The following NPHS1 variants were observed in gnomAD, a reference collection of about 807,000 sequenced individuals.
NPHS1 encodes nephrin.
Under a neutral mutation model 139.7 loss-of-function variants are expected in NPHS1, and 107 were observed. The observed-to-expected ratio is 0.77, with a 90% CI of 0.66 to 0.90. The LOEUF (loss-of-function observed/expected upper bound fraction) is 0.90. NPHS1 is among the 40% of genes least tolerant of loss of function. The pLI is 0.00. For missense variants in NPHS1, 1,580 were observed against 1,654.2 expected (o/e 0.96, Z 0.78); for synonymous variants, 707 against 706.6 (o/e 1.00, Z -0.01).
intron 11 of NPHS1, 25 bp downstream of exon 11, chr19:35,848,016 C>A (rs762960409): frequency 1.3e-4 from 203 of 1,612,668 alleles, no homozygotes; most frequent in South Asian, 5.1e-4. Context: ...CCTGGCCACC[C>A]CCATAGCCCT....
chr19:35,828,511 G>A (rs1397445377), intron 28 of NPHS1, among the ~76,000 whole-genome samples: 5 of 152,232 alleles, frequency 3.3e-5, no homozygotes, highest in African/African-American at 4.8e-5. Context: ...TGATCCGCCC[G>A]CCTTGGCCTC....
chr19:35,831,559 C>G, intron 24 of NPHS1, 59 bp from the exon 25 acceptor site: 1 of 1,613,196 alleles, frequency 6.2e-7, no homozygotes, highest in Non-Finnish European at 8.5e-7. Context: ...ACCCCGGCCC[C>G]AGGAAGACCT....
chr19:35,849,142 G>A lies in NPHS1; in HGVS notation c.846C>T (p.Gly282=), dbSNP rs1191167449. Residue 282 remains glycine (G), a synonymous_variant, in exon 8 of 29, where the codon GGC becomes GGT. Coordinates refer to ENST00000378910, the MANE Select transcript of NPHS1 (RefSeq NM_004646.4). ...TGCCCCACGCTGTGGACACCGGCTG[G>A]CCATTCTGGAGACAGGGACAGGCCT... ...PLATLQWLKN[G]QPVSTAWGTE... The A allele has an allele frequency of 6.2e-7, 1 of 1,610,568 alleles. No homozygotes were observed. Among genetic ancestry groups the A allele is most frequent in the South Asian group, 1.1e-5 (1 of 91,086 alleles).
chr19:35,842,470 A>C lies in NPHS1; in HGVS notation c.2415T>G (p.His805Gln). 6.2e-7 allele frequency: 1 copy of C among 1,614,174 alleles called. No homozygotes were observed. The highest frequency in any genetic ancestry group is 8.5e-7 in the Non-Finnish European group (1 of 1,180,016). ...AAGCGCCAGCCTGGGCCAGTTTGGCATGGTGAATCCGCAGGCGCCCCGTTG... is the reference window on the plus strand; with the variant it reads ...AAGCGCCAGCCTGGGCCAGTTTGGCCTGGTGAATCCGCAGGCGCCCCGTTG... ...RGPTGRLRIH[H>Q]AKLAQAGAYQ... The change falls in exon 18 of 29, where the codon CAT (histidine) becomes CAG (glutamine). Residue 805 changes from histidine to glutamine, a missense_variant. Coordinates refer to ENST00000378910, the MANE Select transcript of NPHS1 (RefSeq NM_004646.4).
Position 35,839,656 on chromosome 19 carries a change from A to G in NPHS1, c.2816-49T>C, listed in dbSNP as rs762588302. On this transcript the variant is annotated intron_variant, in intron 20 of 28. Coordinates refer to ENST00000378910, the MANE Select transcript of NPHS1 (RefSeq NM_004646.4). ...CAGTCAGAGGATACAAAAGAATTCC[A>G]GAAGATTCTGTCCAGGTTTTCCCTA... 3 of 1,448,700 alleles carry G rather than the reference A, an allele frequency of 2.1e-6. No homozygotes were observed. The South Asian group carries it at 3.4e-5, about 17-fold the overall frequency. The allele number at this position is 1,448,700 out of a possible 1,614,324, so 89.7% of individuals were successfully genotyped here.
In NPHS1 at chr19:35,842,415, G is replaced by C; in HGVS notation, c.2470C>G (p.Pro824Ala). Reference protein sequence around the residue: ...YQCIVDNGVAPPARRLLRLVV... With the variant: ...YQCIVDNGVAAPARRLLRLVV... Reference sequence around the variant, plus strand: ...AGACGGAGCAGCCGTCGTGCTGGAGGCGCCACCCCATTGTCCACAATGCAC... The same window carrying C: ...AGACGGAGCAGCCGTCGTGCTGGAGCCGCCACCCCATTGTCCACAATGCAC... The change falls in exon 18 of 29, where the codon CCT becomes GCT. Residue 824 changes from proline to alanine, a missense_variant. Transcript: ENST00000378910. 6.2e-7 allele frequency: 1 copy of C among 1,614,120 alleles called. No individual in the cohort carries two copies. Among genetic ancestry groups the C allele is most frequent in the Non-Finnish European group, 8.5e-7 (1 of 1,180,026 alleles).
chr19:35,845,518 GT>G lies in NPHS1; in HGVS notation c.1779del (p.Arg595GlyfsTer27). On this transcript the variant is annotated frameshift_variant, in exon 14 of 29. Transcript: ENST00000378910. LOFTEE classifies it high-confidence loss of function. The surrounding 1 kb of genome is among the most constrained non-coding windows in gnomAD (Gnocchi z 5.5). ...EGERLEGVAA[P>X]PRRAPFKGSA... ...GAGCCTTTGAATGGGGCTCTCCGGG[GT>G]GGGGCGGCCACGCCCTCCAGCCTGT... The G allele has an allele frequency of 6.2e-7, 1 of 1,610,332 alleles. No homozygotes were observed. Among genetic ancestry groups the G allele is most frequent in the Non-Finnish European group, 8.5e-7 (1 of 1,178,726 alleles).
intron 20 of NPHS1, among the ~76,000 whole-genome samples, chr19:35,841,015 T>A (rs1973048582): frequency 6.6e-6 from 1 of 151,766 alleles, no homozygotes; most frequent in Admixed American, 6.6e-5. Flanking sequence ...AGAGAAAGAA[T>A]TCTGTTTCCT....
In NPHS1 at chr19:35,851,078, G is replaced by C. The variant is rs998968260; in HGVS notation, c.409C>G (p.Leu137Val). Residue 137 changes from leucine to valine, a missense_variant, in exon 4 of 29, where the codon CTG (leucine) becomes GTG (valine). Leu to Val is a conservative substitution (Grantham distance 32). Coordinates refer to ENST00000378910, the MANE Select transcript of NPHS1 (RefSeq NM_004646.4). ...CCTGCCTCTGGGGTCAGCAGGAGCA[G>C]CTTGGGAGGAACTGGTGAGAGAAGG... The part of the protein sequence containing the change: ...VILSILVPPK[L>V]LLLTPEAGTM... 2 of 1,614,082 alleles carry C rather than the reference G, an allele frequency of 1.2e-6. No homozygotes were observed. The highest frequency in any genetic ancestry group is 2.7e-5 in the African/African-American group (2 of 74,932).
At position 35,841,850 on chromosome 19, in the gene NPHS1, A is replaced by G; in HGVS notation, c.2680T>C (p.Tyr894His). 2 of 1,612,762 alleles carry G rather than the reference A, an allele frequency of 1.2e-6. No individual in the cohort carries two copies. Among genetic ancestry groups the G allele is most frequent in the African/African-American group, 1.3e-5 (1 of 75,034 alleles). Residue 894 changes from tyrosine (Y) to histidine (H), a missense_variant, in exon 20 of 29, where the codon TAC becomes CAC. Coordinates refer to ENST00000378910, the MANE Select transcript of NPHS1 (RefSeq NM_004646.4). ...LQDPRYTEHTYHQGGVHSSLL... is the reference protein window; with the variant it reads ...LQDPRYTEHTHHQGGVHSSLL... ...CTGCTGTGGACACCACCCTGGTGGT[A>G]TGTGTGCTCCGTGTACCTAGAGAGA...
rs375587420 is a variant in NPHS1 at position 35,831,462 on chromosome 19, A to G, written c.3311+14T>C. 1.0e-4 allele frequency: 169 copies of G among 1,613,748 alleles called. No homozygotes were observed. The highest frequency in any genetic ancestry group is 1.6e-4 in the Middle Eastern group (1 of 6,084). ...CCCTCAGAGCCTTCTTTACAGAAAAATATCCCCACTTACCCTGCCTCTGTC... is the reference window on the plus strand; with the variant it reads ...CCCTCAGAGCCTTCTTTACAGAAAAGTATCCCCACTTACCCTGCCTCTGTC... On this transcript the variant is annotated intron_variant, in intron 25 of 28. Coordinates refer to ENST00000378910, the MANE Select transcript of NPHS1 (RefSeq NM_004646.4).
intron 22 of NPHS1, among the ~76,000 whole-genome samples, chr19:35,837,012 AAAG>A: frequency 1.6e-5 from 2 of 122,724 alleles, no homozygotes; most frequent in African/African-American, 6.5e-5. Flanking sequence ...AAAAAAAAAG[AAAG>A]AAAAGAAAAG....
intron 28 of NPHS1, among the ~76,000 whole-genome samples, chr19:35,828,699 G>A (rs1172573506): frequency 1.3e-5 from 2 of 152,234 alleles, no homozygotes; most frequent in African/African-American, 4.8e-5. Flanking sequence ...ATTCATTTAT[G>A]CATCGTCTAT....
Position 35,845,701 on chromosome 19 carries a change from C to T in NPHS1, c.1725G>A (p.Pro575=), listed in dbSNP as rs140859903. 1.2e-6 allele frequency: 2 copies of T among 1,613,882 alleles called. No individual in the cohort carries two copies. Among genetic ancestry groups the T allele is most frequent in the African/African-American group, 1.3e-5 (1 of 74,938 alleles). Residue 575 remains proline, a synonymous_variant, in exon 13 of 29, where the codon CCG becomes CCA. Coordinates refer to ENST00000378910, the MANE Select transcript of NPHS1 (RefSeq NM_004646.4). This position sits in a 1 kb window ranked among gnomAD's most constrained non-coding sequence, Gnocchi z 5.5. ...CTTCCTTGTCCCAGGACAAGTTGAC[C>T]GGCGGATTGCTGCTGACGCTGACGC... is the stretch of plus-strand genomic sequence containing the variant. ...LTCVSVSSNP[P]VNLSWDKEGE...
At chr19:35,844,535 G>T in intron 14 of NPHS1, 76 bp from the exon 15 acceptor site, 1 of 1,478,770 alleles carries the variant, frequency 6.8e-7, no homozygotes, top group Non-Finnish European at 9.1e-7. Flanking sequence ...ATCAGGCACA[G>T]GTTCAAGGGT....
chr19:35,845,993 A>G lies in NPHS1; in HGVS notation c.1627+15T>C. On this transcript the variant is annotated intron_variant, in intron 12 of 28. Coordinates refer to ENST00000378910, the MANE Select transcript of NPHS1 (RefSeq NM_004646.4). This position sits in a 1 kb window ranked among gnomAD's most constrained non-coding sequence, Gnocchi z 5.5. ...TCCCGCCCCGCCCCCGGGCCTCAGC[A>G]GTGCGAGCCCTCACACTGCACCGCC... 6.9e-7 allele frequency: 1 copy of G among 1,455,702 alleles called. No homozygotes were observed. The highest frequency in any genetic ancestry group is 9.2e-7 in the Non-Finnish European group (1 of 1,083,498). 90.2% of individuals were successfully genotyped at this position (1,455,702 alleles called of 1,614,324 possible). A position where few individuals can be genotyped will look rare whatever the true frequency, so the allele number is the denominator to read the frequency against.
At chr19:35,829,376 T>C (rs1295105637) in intron 28 of NPHS1, among the ~76,000 whole-genome samples, 1 of 152,162 alleles carries the variant, frequency 6.6e-6, no homozygotes, top group Non-Finnish European at 1.5e-5. Flanking sequence ...TTTCTGGGAA[T>C]ATTTTTTCCC....
chr19:35,850,995 G>A lies in NPHS1; in HGVS notation c.492C>T (p.Asp164=), dbSNP rs147569168. The change falls in exon 4 of 29, where the codon GAC becomes GAT. Residue 164 remains aspartate, a synonymous_variant. Coordinates refer to ENST00000378910, the MANE Select transcript of NPHS1 (RefSeq NM_004646.4). ...TGGTGATGTCAGGTGCTGGCTTCGC[G>A]TCCCCAGACACACAGTTGACCACGT... ...QEYVVNCVSG[D]AKPAPDITIL... The A allele has an allele frequency of 8.9e-5, 144 of 1,613,932 alleles. No individual in the cohort carries two copies. The highest frequency in any genetic ancestry group is 3.3e-4 in the Middle Eastern group (2 of 6,084).
chr19:35,847,960 C>A, intron 11 of NPHS1, 81 bp downstream of exon 11: 1 of 1,455,446 alleles, frequency 6.9e-7, no homozygotes, highest in South Asian at 1.2e-5. Flanking sequence ...TCCAAGATTG[C>A]CCAAGATTCT....
Sources: allele counts gnomAD v4.1 joint callset (sites outside exome capture counted in the v4.1 genomes callset), GRCh38; gene constraint gnomAD v4.1.1; non-coding constraint Gnocchi (gnomAD v3.1); transcripts MANE v1.5; gene names NCBI Gene and HGNC (gene_info 2026-07-23, HGNC 2026-07-21).